The following ADGRB3 variants were observed in gnomAD, a reference collection of about 807,000 sequenced individuals.
ADGRB3 encodes the protein brain-specific angiogenesis inhibitor 3.
In ADGRB3, 37 loss-of-function variants were observed where a neutral mutation model predicts 193.4. That is an observed-to-expected ratio of 0.19 (90% CI 0.15 to 0.25). The LOEUF is 0.25. Among genes scored for constraint, ADGRB3 ranks in the 10% least tolerant of loss-of-function variants. The pLI, the probability that ADGRB3 is intolerant of heterozygous loss-of-function variation, is 1.00. For synonymous variants in ADGRB3, 690 were observed against 644.2 expected (o/e 1.07, Z -1.08); for missense variants, 1,637 against 1,852.9 (o/e 0.88, Z 2.14).
chr6:68,955,513 G>A (rs940917560), intron 6 of ADGRB3, among the ~76,000 whole-genome samples: 2 of 152,226 alleles, frequency 1.3e-5, no homozygotes, highest in Non-Finnish European at 2.9e-5. Flanking sequence ...CTGGAGGCCA[G>A]GCATAGTGGC....
intron 24 of ADGRB3, among the ~76,000 whole-genome samples, chr6:69,337,638 A>G (rs1161023555): frequency 6.6e-6 from 1 of 152,174 alleles, no homozygotes; most frequent in Non-Finnish European, 1.5e-5. Flanking sequence ...CCTGGAGTGG[A>G]TCAGTAAAGC....
chr6:68,902,962 A>G (rs1766439217), intron 3 of ADGRB3, among the ~76,000 whole-genome samples: 1 of 152,196 alleles, frequency 6.6e-6, no homozygotes, highest in African/African-American at 2.4e-5. Flanking sequence ...AGAAACAAAT[A>G]TCAATCCACC....
chr6:69,298,474 C>G (rs1767877672), intron 20 of ADGRB3, among the ~76,000 whole-genome samples: 1 of 151,908 alleles, frequency 6.6e-6, no homozygotes, highest in African/African-American at 2.4e-5. Context: ...CTACTGAACA[C>G]TAAATCTTCT....
chr6:69,365,146 C>T (rs1769541816), intron 29 of ADGRB3, among the ~76,000 whole-genome samples: 2 of 152,042 alleles, frequency 1.3e-5, no homozygotes, highest in Non-Finnish European at 2.9e-5. Context: ...AGCACATGGT[C>T]CATTCTTCAC....
Position 69,367,033 on chromosome 6 carries a change from T to A in ADGRB3, c.4240-5373T>A, listed in dbSNP as rs145641784. 6.9e-3 allele frequency among the ~76,000 whole-genome samples: 1,046 copies of A among 152,116 alleles called. 5 individuals carry two copies. The highest frequency in any genetic ancestry group is 0.016 in the East Asian group (83 of 5,152). On this transcript the variant is annotated intron_variant, in intron 29 of 31. Coordinates refer to ENST00000370598, the MANE Select transcript of ADGRB3 (RefSeq NM_001704.3). ...ATAACTATGGAATGAAAGGGAGAGA[T>A]TTCTCTAGATAAGGTGGTCTGGGAA...
At chr6:68,851,447 A>G (rs1178797338) in intron 3 of ADGRB3, among the ~76,000 whole-genome samples, 3 of 151,898 alleles carry the variant, frequency 2.0e-5, no homozygotes, top group Non-Finnish European at 4.4e-5. Context: ...CCAAGAAGTA[A>G]CTATTTAATC....
At chr6:69,194,556 T>C (rs1306981734) in intron 17 of ADGRB3, among the ~76,000 whole-genome samples, 1 of 152,156 alleles carries the variant, frequency 6.6e-6, no homozygotes, top group Non-Finnish European at 1.5e-5. Flanking sequence ...AGAATGGGCT[T>C]GAAAGTGAGA....
chr6:68,891,773 G>A (rs999416381), intron 3 of ADGRB3, among the ~76,000 whole-genome samples: 33 of 152,166 alleles, frequency 2.2e-4, no homozygotes, highest in Admixed American at 1.7e-3. Context: ...TGGAGGAAGA[G>A]GAGAGGGAGA....
intron 16 of ADGRB3, 150 bp downstream of exon 16, chr6:69,063,186 G>A (rs1771800669): frequency 1.1e-5 from 6 of 525,830 alleles, no homozygotes; most frequent in Admixed American, 7.5e-5. Context: ...TAAAGAAACA[G>A]AATGATTATT....
intron 17 of ADGRB3, among the ~76,000 whole-genome samples, chr6:69,109,381 T>A (rs1012471975): frequency 2.6e-5 from 4 of 152,158 alleles, no homozygotes; most frequent in African/African-American, 9.7e-5. Context: ...ACCCTCCCTA[T>A]CTCTCCCAGT....
At chr6:69,168,054 G>A (rs146395152) in intron 17 of ADGRB3, among the ~76,000 whole-genome samples, 1 of 152,296 alleles carries the variant, frequency 6.6e-6, no homozygotes, top group African/African-American at 2.4e-5. Flanking sequence ...GAATTTGGAT[G>A]CAGAACGGAG....
chr6:69,256,577 TG>T (rs1273779768), intron 20 of ADGRB3, among the ~76,000 whole-genome samples: 1 of 152,122 alleles, frequency 6.6e-6, no homozygotes, highest in African/African-American at 2.4e-5. Flanking sequence ...TTGCTGAAGT[TG>T]CTTATCAGCT....
intron 13 of ADGRB3, among the ~76,000 whole-genome samples, chr6:69,024,650 T>C (rs775913807): frequency 2.6e-5 from 4 of 152,224 alleles, no homozygotes; most frequent in Non-Finnish European, 5.9e-5. Context: ...GTTCTGCTGA[T>C]ATATAAACCC....
At position 69,117,199 on chromosome 6, in the gene ADGRB3, G is replaced by C. The variant is rs1410648807; in HGVS notation, c.2480+41161G>C. On this transcript the variant is annotated intron_variant, in intron 17 of 31. Coordinates refer to ENST00000370598, the MANE Select transcript of ADGRB3 (RefSeq NM_001704.3). ...TGGCTGTGGATACAGATATAATATAGTTACAAAAATGCTTTCTATAGTGCT... is the reference window on the plus strand; with the variant it reads ...TGGCTGTGGATACAGATATAATATACTTACAAAAATGCTTTCTATAGTGCT... 3.3e-5 allele frequency among the ~76,000 whole-genome samples: 5 copies of C among 152,124 alleles called. No individual in the cohort carries two copies. The East Asian group carries it at 7.7e-4, about 23-fold the overall frequency.
At chr6:68,663,447 A>T (rs1279670635) in intron 3 of ADGRB3, among the ~76,000 whole-genome samples, 1 of 151,668 alleles carries the variant, frequency 6.6e-6, no homozygotes, top group East Asian at 1.9e-4. Flanking sequence ...TAAACTTGAG[A>T]TTAATAGGAT....
intron 3 of ADGRB3, among the ~76,000 whole-genome samples, chr6:68,724,463 G>A (rs1765638570): frequency 6.6e-6 from 1 of 151,562 alleles, no homozygotes; most frequent in Non-Finnish European, 1.5e-5. Flanking sequence ...TGCTTATGGT[G>A]AAAACAAACA....
At chr6:69,054,719 T>C (rs1346067089) in intron 15 of ADGRB3, among the ~76,000 whole-genome samples, 1 of 152,200 alleles carries the variant, frequency 6.6e-6, no homozygotes, top group Non-Finnish European at 1.5e-5. Context: ...CTCTGATCAC[T>C]TGGCATTTTT....
rs185623549 is a variant in ADGRB3 at position 68,951,886 on chromosome 6, C to G, written c.1196-4138C>G. 2.6e-3 allele frequency among the ~76,000 whole-genome samples: 397 copies of G among 152,194 alleles called. 1 individual carries two copies. The highest frequency in any genetic ancestry group is 3.9e-3 in the Non-Finnish European group (266 of 68,010). ...CCCGGTAAAAAGTCAAGCCTGCCTG[C>G]AGGGTTGAAGGAGAAGCAGCTTCCT... On this transcript the variant is annotated intron_variant, in intron 6 of 31. Transcript: ENST00000370598.
intron 11 of ADGRB3, among the ~76,000 whole-genome samples, chr6:68,995,478 G>C (rs1769358579): frequency 6.6e-6 from 1 of 152,148 alleles, no homozygotes; most frequent in Non-Finnish European, 1.5e-5. Context: ...TTTTGACTGA[G>C]CTACTTATTT....
Sources: gnomAD v4.1 joint callset for allele counts (sites outside exome capture counted in the v4.1 genomes callset) on GRCh38, gnomAD v4.1.1 for gene constraint, MANE v1.5 for transcripts, NCBI Gene and HGNC (gene_info 2026-07-23, HGNC 2026-07-21) for gene names.